The following NIM1K variants were observed in gnomAD, a reference collection of about 807,000 sequenced individuals.
The protein encoded by NIM1K is NIM1 serine/threonine protein kinase, also known as serine/threonine-protein kinase NIM1.
In NIM1K, 35 loss-of-function variants were observed where a neutral mutation model predicts 37.1. That is an observed-to-expected ratio of 0.94 (90% confidence interval 0.72 to 1.25). The LOEUF (loss-of-function observed/expected upper bound fraction) is 1.25. Ranked by LOEUF, NIM1K falls within the 50% of genes most tolerant of loss-of-function variation. The probability of loss-of-function intolerance (pLI) is 0.00; values close to 1 mark genes in which losing one functional copy is unlikely to be tolerated. For synonymous variants in NIM1K, 234 were observed against 206.6 expected (o/e 1.13, Z -1.14); for missense variants, 564 against 548.0 (o/e 1.03, Z -0.29).
chr5:43,280,755 C>T lies in NIM1K; in HGVS notation c.*26C>T, dbSNP rs368927418. ...ATTGCACTAGACTGCTTGTAACTAA[C>T]CAAGATGATTGTTGCTGCTTCTAAA... On this transcript the variant is annotated 3_prime_UTR_variant, in exon 4 of 4. Transcript: ENST00000326035. 7 of 1,523,948 alleles carry T rather than the reference C, an allele frequency of 4.6e-6. No homozygotes were observed. In the African/African-American group the frequency reaches 8.3e-5, roughly 18 times the overall value. 94.4% of individuals were successfully genotyped at this position (1,523,948 alleles called of 1,614,324 possible).
intron 1 of NIM1K, among the ~76,000 whole-genome samples, chr5:43,228,902 A>G (rs891488132): frequency 3.9e-5 from 6 of 152,228 alleles, no homozygotes; most frequent in African/African-American, 1.4e-4. Flanking sequence ...AACGAATTTT[A>G]CTGAGTTAAG....
intron 1 of NIM1K, among the ~76,000 whole-genome samples, chr5:43,198,067 A>ATTTCT (rs1245205079): frequency 1.3e-5 from 2 of 151,808 alleles, no homozygotes; most frequent in African/African-American, 2.4e-5. Context: ...AACATAATCT[A>ATTTCT]TTTCTTTTCT....
At chr5:43,241,954 T>C (rs528202622) in intron 1 of NIM1K, among the ~76,000 whole-genome samples, 10 of 152,098 alleles carry the variant, frequency 6.6e-5, no homozygotes, top group Non-Finnish European at 1.5e-4. Flanking sequence ...GAGATAGGGG[T>C]TTGGCTTTTT....
chr5:43,243,153 G>A (rs1182604123), intron 1 of NIM1K, among the ~76,000 whole-genome samples: 1 of 152,184 alleles, frequency 6.6e-6, no homozygotes, highest in Admixed American at 6.5e-5. Flanking sequence ...GACAAGGACA[G>A]CACAGTAATG....
In NIM1K at chr5:43,245,439, C is replaced by G. The variant is rs570569990; in HGVS notation, c.-337C>G. On this transcript the variant is annotated 5_prime_UTR_variant, in exon 2 of 4. Coordinates refer to ENST00000326035, the MANE Select transcript of NIM1K (RefSeq NM_153361.4). ...GCCACCTACCACAAAGCATCAGACT[C>G]CACGTCTGGCCAGAAAGTTCCTGGA... 4.9e-6 allele frequency: 1 copy of G among 202,996 alleles called. No homozygotes were observed. The highest frequency in any genetic ancestry group is 9.8e-6 in the Non-Finnish European group (1 of 101,746). 12.6% of individuals were successfully genotyped at this position (202,996 alleles called of 1,614,324 possible).
rs554279363 is a variant in NIM1K, at chr5:43,238,352, C to A, written c.-694-6730C>A. ...GCCACTGCGCCCGGCCAATTTAATT[C>A]TTTAATTTCCAAGACAGCTCTTTCT... On this transcript the variant is annotated intron_variant, in intron 1 of 3. Coordinates refer to ENST00000326035, the MANE Select transcript of NIM1K (RefSeq NM_153361.4). Among the ~76,000 whole-genome samples the A allele has an allele frequency of 1.1e-4, 16 of 151,954 alleles. No individual in the cohort carries two copies. In the East Asian group the frequency reaches 2.9e-3, roughly 28 times the overall value.
chr5:43,233,009 T>A, intron 1 of NIM1K: 1 of 1,200,878 alleles, frequency 8.3e-7, no homozygotes, highest in African/African-American at 1.5e-5. Context: ...CCGGAGCCCG[T>A]CTCACTGAAG....
intron 1 of NIM1K, among the ~76,000 whole-genome samples, chr5:43,212,913 TATTCTCAA>T (rs1440433265): frequency 6.6e-6 from 1 of 152,216 alleles, no homozygotes; most frequent in Non-Finnish European, 1.5e-5. Context: ...GTACCAGATA[TATTCTCAA>T]TTATAGCTTC....
At chr5:43,260,285 G>A (rs1211919498) in intron 2 of NIM1K, among the ~76,000 whole-genome samples, 1 of 152,152 alleles carries the variant, frequency 6.6e-6, no homozygotes, top group Admixed American at 6.5e-5. Flanking sequence ...TGATGAAAGT[G>A]GGCATTCTTG....
chr5:43,233,068 A>T, intron 1 of NIM1K: 1 of 1,332,588 alleles, frequency 7.5e-7, no homozygotes, highest in Non-Finnish European at 1.1e-6. Context: ...GTCACTTGGC[A>T]TCTGGCCATT....
At chr5:43,269,477 C>T (rs1208274854) in intron 2 of NIM1K, among the ~76,000 whole-genome samples, 1 of 152,024 alleles carries the variant, frequency 6.6e-6, no homozygotes, top group Non-Finnish European at 1.5e-5. Context: ...TTTATCCATT[C>T]TGCCAATCTG....
chr5:43,192,597 G>C (rs1186693148), intron 1 of NIM1K, among the ~76,000 whole-genome samples, 186 bp downstream of exon 1: 2 of 152,210 alleles, frequency 1.3e-5, no homozygotes, highest in Non-Finnish European at 2.9e-5. Flanking sequence ...TTTCTGGGGC[G>C]TACCCCCACA....
At chr5:43,196,425 G>C (rs1420076169) in intron 1 of NIM1K, among the ~76,000 whole-genome samples, 1 of 151,432 alleles carries the variant, frequency 6.6e-6, no homozygotes, top group African/African-American at 2.4e-5. Context: ...TCAGGAGATC[G>C]AGACCATCCT....
chr5:43,263,794 G>A (rs576134128), intron 2 of NIM1K, among the ~76,000 whole-genome samples: 1 of 152,268 alleles, frequency 6.6e-6, no homozygotes, highest in East Asian at 1.9e-4. Context: ...TGCTTTACAT[G>A]TATCCCAGAG....
rs547934891 is a variant in NIM1K, at chr5:43,203,141, C to T, written c.-695+10730C>T. 3.7e-4 allele frequency among the ~76,000 whole-genome samples: 56 copies of T among 152,208 alleles called. No individual in the cohort carries two copies. The South Asian group carries it at 0.011, about 31-fold the overall frequency. ...TAGCTCCTTCACTACTTAGCAGCTGCACAAGAAGACCTCCCTCCTAGGCTC... is the reference window on the plus strand; with the variant it reads ...TAGCTCCTTCACTACTTAGCAGCTGTACAAGAAGACCTCCCTCCTAGGCTC... On this transcript the variant is annotated intron_variant, in intron 1 of 3. Transcript: ENST00000326035.
intron 1 of NIM1K, among the ~76,000 whole-genome samples, chr5:43,198,338 GTCTT>G (rs140397226): frequency 0.17 from 20,523 of 121,872 alleles, 1,769 homozygotes; most frequent in Middle Eastern, 0.36. Flanking sequence ...CTGTCTTTCT[GTCTT>G]TCTTTCTTTC....
chr5:43,270,133 A>G (rs1484974161), intron 2 of NIM1K, among the ~76,000 whole-genome samples: 1 of 152,212 alleles, frequency 6.6e-6, no homozygotes, highest in Non-Finnish European at 1.5e-5. Context: ...TGGACACAAA[A>G]TTCTTGACTG....
intron 1 of NIM1K, chr5:43,207,718 T>C (rs74648231): frequency 2.6e-5 from 13 of 494,256 alleles, no homozygotes; most frequent in South Asian, 1.4e-4. Context: ...CTATGAAGAA[T>C]TGTTCTGCGG....
intron 1 of NIM1K, among the ~76,000 whole-genome samples, chr5:43,213,393 G>A (rs936134339): frequency 2.0e-5 from 3 of 149,110 alleles, no homozygotes; most frequent in Non-Finnish European, 4.4e-5. Context: ...GCAGCGGCAC[G>A]ATCTTGGCTC....
Sources: allele counts gnomAD v4.1 joint callset (sites outside exome capture counted in the v4.1 genomes callset), GRCh38; gene constraint gnomAD v4.1.1; transcripts MANE v1.5; gene names NCBI Gene and HGNC (gene_info 2026-07-23, HGNC 2026-07-21).